FGF13: variants seen among roughly 807,000 people sequenced by gnomAD.
FGF13 encodes fibroblast growth factor 13.
A neutral mutation model predicts 19.5 loss-of-function variants in FGF13; 2 were observed. That is an observed-to-expected ratio of 0.10 (90% confidence interval 0.04 to 0.32). The LOEUF (loss-of-function observed/expected upper bound fraction) is 0.32, where lower values mean the gene tolerates loss of function less well. FGF13 is among the 10% of genes least tolerant of loss of function. FGF13 has a pLI of 1.00. For missense variants in FGF13, 113 were observed against 192.7 expected (o/e 0.59, Z 2.45); for synonymous variants, 72 against 76.9 (o/e 0.94, Z 0.33).
chrX:138,991,393 T>C (rs1343896002), intron 1 of FGF13, among the ~76,000 whole-genome samples: 1 of 112,176 alleles, frequency 8.9e-6, no homozygotes, highest in Non-Finnish European at 1.9e-5. Flanking sequence ...GCAAGAGATA[T>C]GGAGCATTCT....
Position 138,987,055 on chromosome X carries a change from C to T in FGF13, c.-112-122405G>A, listed in dbSNP as rs190974390. Among the ~76,000 whole-genome samples, 47 of 111,818 alleles carry T rather than the reference C, an allele frequency of 4.2e-4. No homozygotes were observed. The East Asian group carries it at 0.012, about 28-fold the overall frequency. Reference sequence around the variant, plus strand: ...GTAAATGTATGAATCATTCTGAAGGCATGTATGGAGTTAAATGGCCCAGCC... The same window carrying T: ...GTAAATGTATGAATCATTCTGAAGGTATGTATGGAGTTAAATGGCCCAGCC... On this transcript the variant is annotated intron_variant, in intron 1 of 2. Coordinates refer to the FGF13 transcript ENST00000421460.
intron 1 of FGF13, among the ~76,000 whole-genome samples, chrX:138,923,854 T>C (rs2091658862): frequency 8.9e-6 from 1 of 111,766 alleles, no homozygotes; most frequent in Admixed American, 9.5e-5. Context: ...TCATCATCCA[T>C]GTGTTAGCTC....
At chrX:138,707,825 T>C (rs1456196904) in intron 2 of FGF13, among the ~76,000 whole-genome samples, 2 of 112,064 alleles carry the variant, frequency 1.8e-5, no homozygotes, top group African/African-American at 3.2e-5. Context: ...TGGGAAACTC[T>C]TTACACTTAT....
intron 1 of FGF13, among the ~76,000 whole-genome samples, chrX:139,055,679 G>A (rs1188476016): frequency 3.6e-5 from 4 of 112,572 alleles, no homozygotes; most frequent in Non-Finnish European, 5.6e-5. Context: ...CTTCAACATC[G>A]TCTTATCCCT....
intron 2 of FGF13, among the ~76,000 whole-genome samples, chrX:138,863,811 G>C (rs2091302337): frequency 8.9e-6 from 1 of 112,009 alleles, no homozygotes; most frequent in African/African-American, 3.2e-5. Flanking sequence ...GGAAAACCAG[G>C]AGCCTCACCC....
intron 1 of FGF13, among the ~76,000 whole-genome samples, chrX:138,888,966 G>A (rs1009822035): frequency 1.8e-5 from 2 of 112,039 alleles, no homozygotes; most frequent in Non-Finnish European, 3.8e-5. Context: ...TCTTCCATGG[G>A]CATTAGAATC....
intron 3 of FGF13, among the ~76,000 whole-genome samples, chrX:138,698,649 G>A (rs1248810749): frequency 9.0e-6 from 1 of 111,532 alleles, no homozygotes. Context: ...TTCATGCGTA[G>A]ATCCCACCCT....
chrX:138,656,932 C>A (rs1023415923), intron 3 of FGF13, among the ~76,000 whole-genome samples: 1 of 112,010 alleles, frequency 8.9e-6, no homozygotes, highest in Admixed American at 9.5e-5. Context: ...GAACAAAATA[C>A]CAGCTATGGA....
chrX:138,865,884 T>C (rs1008887758), intron 1 of FGF13, among the ~76,000 whole-genome samples: 1 of 111,700 alleles, frequency 9.0e-6, no homozygotes, highest in East Asian at 2.8e-4. Context: ...TCTATGATGT[T>C]GTATCTTTCT....
At chrX:138,658,615 T>C (rs2089459404) in intron 3 of FGF13, among the ~76,000 whole-genome samples, 1 of 111,301 alleles carries the variant, frequency 9.0e-6, no homozygotes, top group Non-Finnish European at 1.9e-5. Context: ...GTGTCGGGAG[T>C]AGCTTAAGGT....
intron 1 of FGF13, among the ~76,000 whole-genome samples, chrX:138,922,694 C>T (rs1049051355): frequency 8.0e-5 from 9 of 111,814 alleles, no homozygotes; most frequent in Admixed American, 7.6e-4. Flanking sequence ...ATTTCTTCAC[C>T]TCTAATCTGT....
At chrX:138,720,928 T>C (rs931087006) in intron 1 of FGF13, among the ~76,000 whole-genome samples, 2 of 112,034 alleles carry the variant, frequency 1.8e-5, no homozygotes, top group African/African-American at 6.5e-5. Context: ...AAATCGACTA[T>C]GCTATGTGGA....
At position 138,706,370 on chromosome X, in the gene FGF13, A is replaced by G. The variant is rs1315813325; in HGVS notation, c.298+2448T>C. Among the ~76,000 whole-genome samples, 5 of 112,379 alleles carry G rather than the reference A, an allele frequency of 4.4e-5. No individual in the cohort carries two copies. The Admixed American group carries it at 4.7e-4, about 11-fold the overall frequency. ...TATTGAACTGACATTTATCATTGTA[A>G]TAAATCTACGTAAGGTAAGGTGAAA... is the stretch of plus-strand genomic sequence containing the variant. On this transcript the variant is annotated intron_variant, in intron 2 of 4. Coordinates refer to ENST00000315930, the MANE Select transcript of FGF13 (RefSeq NM_004114.5).
chrX:139,180,222 T>C (rs756110873), intron 1 of FGF13, among the ~76,000 whole-genome samples: 23 of 112,194 alleles, frequency 2.1e-4, no homozygotes, highest in Non-Finnish European at 3.9e-4. Context: ...AGCTTAGCTT[T>C]ATATTTTATA....
intron 3 of FGF13, among the ~76,000 whole-genome samples, chrX:138,778,792 G>A (rs1463705413): frequency 3.5e-5 from 4 of 112,776 alleles, no homozygotes; most frequent in African/African-American, 1.3e-4. Flanking sequence ...CAGCCCGGAA[G>A]CTCGAACTGG....
chrX:138,963,934 A>C (rs1045192329), intron 1 of FGF13, among the ~76,000 whole-genome samples: 1 of 112,105 alleles, frequency 8.9e-6, no homozygotes, highest in Non-Finnish European at 1.9e-5. Context: ...CTGCACTCAT[A>C]TGTACACTTA....
At chrX:139,131,383 G>T (rs112195551) in intron 1 of FGF13, among the ~76,000 whole-genome samples, 88 of 921 alleles carry the variant, frequency 0.096, 1 homozygote, top group African/African-American at 0.21. Flanking sequence ...ATATAGAGGG[G>T]TGTGTGTGTG....
At chrX:138,749,827 C>T (rs185485552) in intron 3 of FGF13, among the ~76,000 whole-genome samples, 3 of 111,535 alleles carry the variant, frequency 2.7e-5, no homozygotes, top group East Asian at 2.8e-4. Flanking sequence ...CCCTGGATCA[C>T]GGGATAGGAT....
At chrX:139,055,228 T>G (rs1160809763) in intron 1 of FGF13, among the ~76,000 whole-genome samples, 1 of 110,781 alleles carries the variant, frequency 9.0e-6, no homozygotes, top group East Asian at 2.8e-4. Context: ...AGAAGAGGAG[T>G]GGTGAGAGTG....
Sources: gnomAD v4.1 joint callset for allele counts (sites outside exome capture counted in the v4.1 genomes callset) on GRCh38, gnomAD v4.1.1 for gene constraint, MANE v1.5 for transcripts, NCBI Gene and HGNC (gene_info 2026-07-23, HGNC 2026-07-21) for gene names.